Variants in RAB1A observed in about 807,000 individuals in gnomAD.
RAB1A encodes RAB1A, member RAS oncogene family, also known as ras-related protein Rab-1A.
In RAB1A, 2 loss-of-function variants were observed where a neutral mutation model predicts 26.0. That is an observed-to-expected ratio of 0.08 (90% CI 0.03 to 0.24). RAB1A has a LOEUF of 0.24. Among genes scored for constraint, RAB1A ranks in the 10% least tolerant of loss-of-function variants. The pLI is 1.00. For missense variants in RAB1A, 100 were observed against 247.0 expected (o/e 0.40, Z 3.99); for synonymous variants, 84 against 84.9 (o/e 0.99, Z 0.06).
chr2:65,125,508 G>A (rs569489591), intron 1 of RAB1A, among the ~76,000 whole-genome samples: 9 of 137,706 alleles, frequency 6.5e-5, no homozygotes, highest in Middle Eastern at 4.3e-3. Context: ...TGCAGCCTCC[G>A]CCTCCCAGGT....
chr2:65,093,998 C>T (rs1573065207), intron 3 of RAB1A, among the ~76,000 whole-genome samples: 2 of 148,914 alleles, frequency 1.3e-5, no homozygotes, highest in East Asian at 4.0e-4. Flanking sequence ...GAAACAAGGT[C>T]TCGCTCTGTT....
intron 3 of RAB1A, among the ~76,000 whole-genome samples, chr2:65,097,354 C>T (rs1190886227): frequency 1.3e-5 from 2 of 152,090 alleles, no homozygotes; most frequent in Non-Finnish European, 2.9e-5. Context: ...GATAGGATGG[C>T]ACAGAGACAC....
intron 1 of RAB1A, among the ~76,000 whole-genome samples, chr2:65,111,822 G>C (rs1347165478): frequency 6.6e-6 from 1 of 152,160 alleles, no homozygotes; most frequent in Non-Finnish European, 1.5e-5. Flanking sequence ...CGAGGCTCAA[G>C]CCTATAATCC....
At chr2:65,114,371 CAA>C (rs1669775876) in intron 1 of RAB1A, among the ~76,000 whole-genome samples, 1 of 151,918 alleles carries the variant, frequency 6.6e-6, no homozygotes. Context: ...TTTATAAAAA[CAA>C]ATATAAATTT....
intron 1 of RAB1A, among the ~76,000 whole-genome samples, chr2:65,115,041 T>G (rs961449254): frequency 6.6e-6 from 1 of 152,130 alleles, no homozygotes; most frequent in African/African-American, 2.4e-5. Flanking sequence ...ACATACTCAC[T>G]TGCCTTTCCA....
intron 2 of RAB1A, among the ~76,000 whole-genome samples, chr2:65,101,880 G>C (rs1216170930): frequency 6.6e-6 from 1 of 150,738 alleles, no homozygotes; most frequent in Non-Finnish European, 1.5e-5. Context: ...CTCCCAAGTA[G>C]CTGGGATTAC....
In RAB1A at chr2:65,106,398, A is replaced by AT. The variant is rs759420821; in HGVS notation, c.24-1593dup. ...TACATGTAAACAAGACATAAAACTT[A>AT]TTTTTTTTGTTTTAATTGCACTGCC... On this transcript the variant is annotated intron_variant, in intron 1 of 5. Transcript: ENST00000409784. The AT allele has an allele frequency of 4.3e-4, 146 of 339,734 alleles. 1 individual carries two copies. Among genetic ancestry groups the AT allele is most frequent in the South Asian group, 2.4e-3 (107 of 45,278 alleles). The allele number at this position is 339,734 out of a possible 1,614,324, so 21.0% of individuals were successfully genotyped here. A position where few individuals can be genotyped will look rare whatever the true frequency, so the allele number is the denominator to read the frequency against.
chr2:65,090,298 C>A (rs921882671), intron 4 of RAB1A, among the ~76,000 whole-genome samples: 7 of 152,012 alleles, frequency 4.6e-5, no homozygotes, highest in Non-Finnish European at 7.3e-5. Flanking sequence ...TTAACATTTG[C>A]CAAAAGAAAA....
intron 1 of RAB1A, among the ~76,000 whole-genome samples, chr2:65,119,304 G>A (rs1225413300): frequency 6.6e-6 from 1 of 151,936 alleles, no homozygotes; most frequent in Non-Finnish European, 1.5e-5. Flanking sequence ...TCAGGAGTTC[G>A]AGACCAGCGT....
intron 4 of RAB1A, among the ~76,000 whole-genome samples, chr2:65,089,955 G>A (rs1165795000): frequency 1.1e-4 from 16 of 152,102 alleles, no homozygotes; most frequent in African/African-American, 2.4e-4. Flanking sequence ...CGCCCGCCTC[G>A]GCCTCCCAAA....
intron 2 of RAB1A, among the ~76,000 whole-genome samples, chr2:65,101,293 T>C (rs1438641606): frequency 6.6e-6 from 1 of 152,148 alleles, no homozygotes; most frequent in Non-Finnish European, 1.5e-5. Flanking sequence ...AGCCCCAAGG[T>C]CATGTGGCAT....
intron 1 of RAB1A, among the ~76,000 whole-genome samples, chr2:65,129,181 G>C (rs1464489309): frequency 2.7e-4 from 39 of 142,206 alleles, no homozygotes; most frequent in African/African-American, 9.6e-4. Context: ...AAGACAAAAT[G>C]ACTTAGGTGT....
Position 65,108,001 on chromosome 2 carries a change from T to C in RAB1A, c.24-3195A>G, listed in dbSNP as rs1573077976. On this transcript the variant is annotated intron_variant, in intron 1 of 5. Transcript: ENST00000409784. ...ATTGCTTGAACTCAGGAGGTGGAGG[T>C]TGCAGTGAGCTCAGATCACACCACT... is the stretch of plus-strand genomic sequence containing the variant. Among the ~76,000 whole-genome samples the C allele has an allele frequency of 2.0e-5, 3 of 150,398 alleles. No homozygotes were observed. In the South Asian group the frequency reaches 6.3e-4, roughly 32 times the overall value.
At chr2:65,121,216 C>CA (rs1669956358) in intron 1 of RAB1A, among the ~76,000 whole-genome samples, 1 of 118,646 alleles carries the variant, frequency 8.4e-6, no homozygotes, top group African/African-American at 3.4e-5. Context: ...GCCTGGGAGA[C>CA]AGAGCTAGAT....
intron 1 of RAB1A, among the ~76,000 whole-genome samples, chr2:65,105,785 C>A (rs183506170): frequency 6.6e-6 from 1 of 150,498 alleles, no homozygotes. Context: ...TTTTTTGAGA[C>A]GGAGTCTTGC....
chr2:65,121,248 A>C (rs566169430), intron 1 of RAB1A, among the ~76,000 whole-genome samples: 1 of 151,642 alleles, frequency 6.6e-6, no homozygotes, highest in East Asian at 1.9e-4. Flanking sequence ...AAAAAAAAAA[A>C]AAAAAACCAT....
chr2:65,101,980 C>G (rs1669442401), intron 2 of RAB1A, among the ~76,000 whole-genome samples: 1 of 151,966 alleles, frequency 6.6e-6, no homozygotes, highest in African/African-American at 2.4e-5. Flanking sequence ...AACTCCTGAC[C>G]TCAGATGATC....
chr2:65,110,142 T>C (rs988040154), intron 1 of RAB1A, among the ~76,000 whole-genome samples: 2 of 152,132 alleles, frequency 1.3e-5, no homozygotes, highest in African/African-American at 4.8e-5. Flanking sequence ...CACCTCATGT[T>C]AAAAGGATAC....
chr2:65,114,778 G>C (rs1455015546), intron 1 of RAB1A, among the ~76,000 whole-genome samples: 1 of 151,864 alleles, frequency 6.6e-6, no homozygotes, highest in East Asian at 1.9e-4. Flanking sequence ...CCGGGAGGCG[G>C]AGCTTGCAGT....
Sources: gnomAD v4.1 joint callset for allele counts (sites outside exome capture counted in the v4.1 genomes callset) on GRCh38, gnomAD v4.1.1 for gene constraint, MANE v1.5 for transcripts, NCBI Gene and HGNC (gene_info 2026-07-23, HGNC 2026-07-21) for gene names.